The following CPM variants were observed in gnomAD, a reference collection of about 807,000 sequenced individuals.
The protein encoded by CPM is renal carboxypeptidase.
Under a neutral mutation model 46.4 loss-of-function variants are expected in CPM, and 35 were observed. The ratio of observed to expected loss-of-function variants is 0.75; its 90% CI spans 0.58 to 1.00. The LOEUF is 1.00. Among genes scored for constraint, CPM ranks in the 50% least tolerant of loss-of-function variants. The probability of loss-of-function intolerance (pLI) is 0.00; values close to 1 mark genes in which losing one functional copy is unlikely to be tolerated. For missense variants in CPM, 422 were observed against 530.4 expected (o/e 0.80, Z 2.01); for synonymous variants, 195 against 195.3 (o/e 1.00, Z 0.01).
exon 6 of CPM, chr12:68,842,250 A>G (rs1002315781): frequency 2.2e-5 from 11 of 497,602 alleles, no homozygotes; most frequent in African/African-American, 2.1e-4. Flanking sequence ...AATTCAAGAA[A>G]AAGGACTACG....
intron 2 of CPM, chr12:68,913,993 T>C (rs1887704850): frequency 2.8e-6 from 2 of 720,324 alleles, no homozygotes; most frequent in Non-Finnish European, 5.3e-6. Flanking sequence ...GATATTATTA[T>C]CAAAGAAAAC....
intron 2 of CPM, among the ~76,000 whole-genome samples, chr12:68,928,499 C>T (rs534007494): frequency 3.3e-5 from 5 of 152,174 alleles, no homozygotes; most frequent in Non-Finnish European, 7.4e-5. Context: ...AGTTAATTAA[C>T]CTCTCTGTGC....
chr12:68,858,227 T>C (rs1017571758), intron 8 of CPM, among the ~76,000 whole-genome samples: 1 of 152,138 alleles, frequency 6.6e-6, no homozygotes, highest in Non-Finnish European at 1.5e-5. Context: ...CTAAGCAAAA[T>C]AGAAGAATCC....
chr12:68,905,218 G>A (rs760938070), intron 2 of CPM, among the ~76,000 whole-genome samples: 1 of 151,568 alleles, frequency 6.6e-6, no homozygotes, highest in South Asian at 2.1e-4. Flanking sequence ...CCAAAATATA[G>A]AAACATTTTA....
intron 1 of CPM, among the ~76,000 whole-genome samples, chr12:68,948,664 G>A (rs769320378): frequency 9.9e-5 from 15 of 152,156 alleles, no homozygotes; most frequent in Non-Finnish European, 1.9e-4. Context: ...ACAAAGTTAG[G>A]AGGAAATAGT....
chr12:68,856,339 C>A lies in CPM; in HGVS notation c.*98G>T. On this transcript the variant is annotated 3_prime_UTR_variant, in exon 9 of 9. Transcript: ENST00000551568. The stretch of plus-strand genomic sequence containing the variant: ...CTTCAGGAAGATCGTGGAGTTTCTC[C>A]AGTCAAGGTCCCACTAGAGTGAGTT... The A allele has an allele frequency of 7.5e-7, 1 of 1,326,694 alleles. No individual in the cohort carries two copies. The highest frequency in any genetic ancestry group is 1.0e-6 in the Non-Finnish European group (1 of 962,544). 82.2% of individuals were successfully genotyped at this position (1,326,694 alleles called of 1,614,324 possible). A position where few individuals can be genotyped will look rare whatever the true frequency, so the allele number is the denominator to read the frequency against.
chr12:68,908,221 T>C (rs1234173863), intron 2 of CPM, among the ~76,000 whole-genome samples: 2 of 152,308 alleles, frequency 1.3e-5, no homozygotes, highest in Admixed American at 1.3e-4. Context: ...AAGAATCCCT[T>C]CTCTGATTCA....
At chr12:68,901,545 G>A (rs1195704468) in intron 2 of CPM, among the ~76,000 whole-genome samples, 2 of 152,206 alleles carry the variant, frequency 1.3e-5, no homozygotes, top group African/African-American at 4.8e-5. Context: ...AAAAAATCAT[G>A]TGAAAATTTT....
At chr12:68,944,958 T>G (rs1376112895) in intron 1 of CPM, among the ~76,000 whole-genome samples, 1 of 152,078 alleles carries the variant, frequency 6.6e-6, no homozygotes, top group Non-Finnish European at 1.5e-5. Flanking sequence ...AGTTGAGTCA[T>G]GAGTCATGAG....
intron 1 of CPM, chr12:68,957,569 C>T (rs1889042369): frequency 6.2e-6 from 1 of 162,162 alleles, no homozygotes; most frequent in Admixed American, 6.3e-5. Context: ...AGAAGACTGA[C>T]TTTTCCTTCC....
intron 7 of CPM, among the ~76,000 whole-genome samples, chr12:68,861,824 G>A (rs534345143): frequency 3.4e-5 from 5 of 147,952 alleles, no homozygotes; most frequent in Non-Finnish European, 5.9e-5. Context: ...CATCGCGCCC[G>A]GCTAACATTA....
At chr12:68,962,841 T>TA (rs1386859658) in intron 1 of CPM, among the ~76,000 whole-genome samples, 1 of 152,268 alleles carries the variant, frequency 6.6e-6, no homozygotes, top group Non-Finnish European at 1.5e-5. Context: ...TTTCTATTGA[T>TA]AATAACTCTT....
intron 1 of CPM, among the ~76,000 whole-genome samples, chr12:68,943,542 T>G (rs1393217132): frequency 6.6e-6 from 1 of 152,238 alleles, no homozygotes; most frequent in Non-Finnish European, 1.5e-5. Context: ...CATAAATTTG[T>G]GATAATTTAC....
intron 5 of CPM, chr12:68,844,281 AT>A: frequency 4.5e-6 from 1 of 219,820 alleles, no homozygotes; most frequent in Non-Finnish European, 9.1e-6. Context: ...ACAAGTCTGA[AT>A]GTGTTTCTTT....
At chr12:68,927,935 GC>G (rs1888336974) in intron 2 of CPM, among the ~76,000 whole-genome samples, 3 of 152,084 alleles carry the variant, frequency 2.0e-5, no homozygotes, top group Admixed American at 1.3e-4. Context: ...CGTGAAAATG[GC>G]CATACTGCCC....
intron 1 of CPM, among the ~76,000 whole-genome samples, chr12:68,957,017 T>C (rs988563134): frequency 1.3e-5 from 2 of 152,162 alleles, no homozygotes; most frequent in Non-Finnish European, 2.9e-5. Flanking sequence ...CCTCGGCCTT[T>C]ATCCTGTCTT....
At chr12:68,956,813 GA>G (rs200331436) in intron 1 of CPM, among the ~76,000 whole-genome samples, 2,337 of 152,324 alleles carry the variant, frequency 0.015, 33 homozygotes, top group Non-Finnish European at 0.026. Context: ...CTTATGGATA[GA>G]CATAAAATGT....
At chr12:68,939,773 A>C (rs1026541066) in intron 1 of CPM, among the ~76,000 whole-genome samples, 1 of 152,146 alleles carries the variant, frequency 6.6e-6, no homozygotes, top group African/African-American at 2.4e-5. Context: ...TACAGTCCTC[A>C]CTGGTGATAT....
Position 68,944,492 on chromosome 12 carries a change from C to T in CPM, c.-3-11652G>A, listed in dbSNP as rs972755787. Among the ~76,000 whole-genome samples the T allele has an allele frequency of 1.5e-4, 23 of 152,288 alleles. 1 individual carries two copies. Among genetic ancestry groups the T allele is most frequent in the Admixed American group, 1.1e-3 (17 of 15,282 alleles). On this transcript the variant is annotated intron_variant, in intron 1 of 8. Coordinates refer to the CPM transcript ENST00000546373. ...AATCATAGCTCACTGAAGCCTTGAA[C>T]TTCTGGGCTTAAGCAATCCTCCCAT...
Sources: allele counts gnomAD v4.1 joint callset (sites outside exome capture counted in the v4.1 genomes callset), GRCh38; gene constraint gnomAD v4.1.1; transcripts MANE v1.5; gene names NCBI Gene and HGNC (gene_info 2026-07-23, HGNC 2026-07-21).